The following GLYATL2 variants were observed in gnomAD, a reference collection of about 807,000 sequenced individuals.
GLYATL2 encodes glycine-N-acyltransferase like 2.
In GLYATL2, 25 loss-of-function variants were observed where a neutral mutation model predicts 21.4. The observed-to-expected ratio is 1.17, with a 90% CI of 0.85 to 1.63. The LOEUF (loss-of-function observed/expected upper bound fraction) is 1.63, where lower values mean the gene tolerates loss of function less well. GLYATL2 is among the 40% of genes most tolerant of loss of function. The pLI is 0.00. For synonymous variants in GLYATL2, 114 were observed against 118.2 expected, an observed-to-expected ratio of 0.96 and a Z score of 0.23; for missense variants, 361 against 343.3, an observed-to-expected ratio of 1.05 and a Z score of -0.41.
intron 1 of GLYATL2, among the ~76,000 whole-genome samples, chr11:58,860,812 C>T (rs1853917075): frequency 6.6e-6 from 1 of 151,974 alleles, no homozygotes. Flanking sequence ...ATCAGGAAAT[C>T]ATGGTGAGCT....
chr11:58,839,218 T>TA lies in GLYATL2; in HGVS notation c.78+316dup, dbSNP rs1853499981. Among the ~76,000 whole-genome samples the TA allele has an allele frequency of 2.0e-5, 3 of 152,170 alleles. No individual in the cohort carries two copies. The South Asian group carries it at 6.2e-4, about 32-fold the overall frequency. ...AAAACCAGGGAGTGATATGACCCTA[T>TA]ATGTGTCATATAGATGACTCTCATC... On this transcript the variant is annotated intron_variant, in intron 2 of 5. Coordinates refer to ENST00000287275, the MANE Select transcript of GLYATL2 (RefSeq NM_145016.4).
In GLYATL2 at chr11:58,868,280, G is replaced by A. The variant is rs187644711; in HGVS notation, n.61-29912C>T. Among the ~76,000 whole-genome samples the A allele has an allele frequency of 2.2e-4, 33 of 148,804 alleles. 6 individuals are homozygous for A. The East Asian group carries it at 7.0e-3, about 31-fold the overall frequency. ...CTTGATACTTTCATTTGTTTTATAT[G>A]AATTTCTTCCTTAGTAAAGGAGCCA... On this transcript the variant is annotated intron_variant and non_coding_transcript_variant, in intron 1 of 4. Transcript: ENST00000533636.
At chr11:58,877,858 G>C (rs779701893) in intron 1 of GLYATL2, among the ~76,000 whole-genome samples, 1 of 152,168 alleles carries the variant, frequency 6.6e-6, no homozygotes, top group Non-Finnish European at 1.5e-5. Context: ...GTCTGAGAAG[G>C]ACTCTGTACT....
At chr11:58,839,462 G>T in intron 2 of GLYATL2, 73 bp downstream of exon 2, 1 of 848,560 alleles carries the variant, frequency 1.2e-6, no homozygotes, top group Non-Finnish European at 1.9e-6. Context: ...TCCCCATTAA[G>T]GTTATGAATC....
chr11:58,837,206 T>A, intron 4 of GLYATL2, 29 bp from the exon 5 acceptor site: 1 of 1,613,130 alleles, frequency 6.2e-7, no homozygotes, highest in Non-Finnish European at 8.5e-7. Flanking sequence ...CAAGTACCAC[T>A]TTATGCCTTC....
intron 1 of GLYATL2, among the ~76,000 whole-genome samples, chr11:58,874,257 T>C (rs1303638148): frequency 6.6e-6 from 1 of 151,614 alleles, no homozygotes; most frequent in Non-Finnish European, 1.5e-5. Flanking sequence ...GATTCAGTGA[T>C]TTTTTGAAGG....
At chr11:58,904,280 A>G (rs1854803249), upstream of GLYATL2, 1 of 152,208 alleles carries the variant, frequency 6.6e-6, no homozygotes, top group African/African-American at 2.4e-5. Flanking sequence ...GAGATTTTTA[A>G]AAATATGTCA....
intron 1 of GLYATL2, among the ~76,000 whole-genome samples, chr11:58,842,757 C>T (rs184196522): frequency 6.6e-6 from 1 of 152,096 alleles, no homozygotes; most frequent in Admixed American, 6.5e-5. Context: ...AGTGAGGCCA[C>T]CATATTTGTG....
At chr11:58,873,816 G>A (rs1854171727) in intron 1 of GLYATL2, among the ~76,000 whole-genome samples, 1 of 152,146 alleles carries the variant, frequency 6.6e-6, no homozygotes. Context: ...GAGTTAGGGA[G>A]GATTCTCTGT....
intron 1 of GLYATL2, among the ~76,000 whole-genome samples, chr11:58,854,235 T>C (rs1853789896): frequency 6.6e-6 from 1 of 152,198 alleles, no homozygotes; most frequent in Admixed American, 6.5e-5. Context: ...CTCTATGTCT[T>C]GGCTATTGTG....
At chr11:58,839,769 A>G in intron 1 of GLYATL2, 117 bp from the exon 2 acceptor site, 1 of 471,430 alleles carries the variant, frequency 2.1e-6, no homozygotes, top group East Asian at 3.1e-5. Context: ...TGGGCTTTAG[A>G]AATTATCTAG....
At chr11:58,849,489 G>A (rs1853702115), upstream of GLYATL2, among the ~76,000 whole-genome samples, 1 of 151,994 alleles carries the variant, frequency 6.6e-6, no homozygotes, top group Admixed American at 6.6e-5. Flanking sequence ...CACCAAGATT[G>A]AACGAGGTCA....
intron 1 of GLYATL2, among the ~76,000 whole-genome samples, chr11:58,899,114 G>T (rs1854687427): frequency 6.6e-6 from 1 of 152,128 alleles, no homozygotes; most frequent in African/African-American, 2.4e-5. Flanking sequence ...TTCATTCAAG[G>T]TCACAAAGCT....
At chr11:58,889,371 T>C (rs776732630) in intron 1 of GLYATL2, among the ~76,000 whole-genome samples, 1 of 152,018 alleles carries the variant, frequency 6.6e-6, no homozygotes, top group Non-Finnish European at 1.5e-5. Flanking sequence ...TGCCAATATT[T>C]ATATGGGTTT....
At chr11:58,886,528 A>G (rs997041486) in intron 1 of GLYATL2, among the ~76,000 whole-genome samples, 1 of 152,224 alleles carries the variant, frequency 6.6e-6, no homozygotes, top group Non-Finnish European at 1.5e-5. Flanking sequence ...AATGGGAAAA[A>G]TAAGAGGATC....
chr11:58,837,317 C>T lies in GLYATL2; in HGVS notation c.267G>A (p.Leu89=), dbSNP rs1853454100. The part of the protein sequence containing the change: ...TKAPDKLEEV[L]SYSNVISWEQ... ...CCCAGCTGATTACATTGGAGTATGA[C>T]AGGACTTCCTCTAATTTGTCAGGAG... Residue 89 remains leucine, a synonymous_variant, in exon 4 of 6, where the codon CTG becomes CTA. Transcript: ENST00000287275. The T allele has an allele frequency of 1.9e-6, 3 of 1,613,960 alleles. No individual in the cohort carries two copies.
At chr11:58,844,060 C>T (rs1319607190) in intron 1 of GLYATL2, among the ~76,000 whole-genome samples, 1 of 152,032 alleles carries the variant, frequency 6.6e-6, no homozygotes, top group African/African-American at 2.4e-5. Context: ...GCAAATAAAC[C>T]ACTAATACTT....
At chr11:58,844,341 G>T (rs996941511) in intron 1 of GLYATL2, 93 bp downstream of exon 1, 5 of 152,120 alleles carry the variant, frequency 3.3e-5, no homozygotes, top group African/African-American at 7.2e-5. Context: ...CAGGGGAAAA[G>T]AAATAAATTA....
At chr11:58,867,134 G>T (rs1854036403) in intron 1 of GLYATL2, among the ~76,000 whole-genome samples, 1 of 148,868 alleles carries the variant, frequency 6.7e-6, no homozygotes, top group South Asian at 2.1e-4. Flanking sequence ...GCCTCATAGG[G>T]ATTCAAAGAT....
Sources: gnomAD v4.1 joint callset for allele counts (sites outside exome capture counted in the v4.1 genomes callset) on GRCh38, gnomAD v4.1.1 for gene constraint, MANE v1.5 for transcripts, NCBI Gene and HGNC (gene_info 2026-07-23, HGNC 2026-07-21) for gene names.